The following ST7 variants were observed in gnomAD, a reference collection of about 807,000 sequenced individuals.
ST7 encodes the protein suppression of tumorigenicity 7.
Under a neutral mutation model 78.7 loss-of-function variants are expected in ST7, and 28 were observed. That is an observed-to-expected ratio of 0.36 (90% CI 0.26 to 0.49). The LOEUF is 0.49. Ranked by LOEUF, ST7 falls within the 20% of genes least tolerant of loss-of-function variation. ST7 has a pLI of 0.99. For synonymous variants in ST7, 247 were observed against 249.6 expected (o/e 0.99, Z 0.10); for missense variants, 418 against 696.0 (o/e 0.60, Z 4.49).
At chr7:117,092,278 CAAAAAAAAAAAAAAA>C (rs747378081) in intron 1 of ST7, among the ~76,000 whole-genome samples, 11 of 30,300 alleles carry the variant, frequency 3.6e-4, no homozygotes, top group African/African-American at 1.0e-3. Flanking sequence ...GACTCCGTCT[CAAAAAAAAAAAAAAA>C]AAAAAAAAAA....
chr7:117,226,513 T>C (rs567628845), intron 15 of ST7, among the ~76,000 whole-genome samples: 1 of 152,298 alleles, frequency 6.6e-6, no homozygotes, highest in African/African-American at 2.4e-5. Flanking sequence ...TCTATATTGG[T>C]TGGGTCTCCA....
chr7:117,224,923 T>G (rs1476824644), intron 15 of ST7, among the ~76,000 whole-genome samples: 1 of 152,174 alleles, frequency 6.6e-6, no homozygotes, highest in African/African-American at 2.4e-5. Flanking sequence ...TGGCTCTACC[T>G]TGGAATCATC....
At chr7:117,108,658 T>C (rs926760391) in intron 2 of ST7, among the ~76,000 whole-genome samples, 6 of 152,176 alleles carry the variant, frequency 3.9e-5, no homozygotes, top group South Asian at 2.1e-4. Context: ...GGGAATTGCA[T>C]TGAATTTGTA....
At chr7:117,209,646 C>A in intron 12 of ST7, 141 bp from the exon 13 acceptor site, 1 of 949,768 alleles carries the variant, frequency 1.1e-6, no homozygotes, top group South Asian at 1.6e-5. Flanking sequence ...TAGTAATTGC[C>A]TTCAAATGTA....
At chr7:117,173,226 A>G (rs1471963506) in intron 10 of ST7, among the ~76,000 whole-genome samples, 2 of 152,210 alleles carry the variant, frequency 1.3e-5, no homozygotes, top group Non-Finnish European at 2.9e-5. Flanking sequence ...AAAGAGCCTC[A>G]TTAGTGGCAG....
intron 6 of ST7, among the ~76,000 whole-genome samples, chr7:117,133,703 T>C (rs1804553464): frequency 6.6e-6 from 1 of 151,890 alleles, no homozygotes; most frequent in Admixed American, 6.6e-5. Flanking sequence ...TTGTTATTTT[T>C]GCAAGCTTCA....
intron 1 of ST7, among the ~76,000 whole-genome samples, chr7:116,960,022 T>G (rs1453585378): frequency 6.6e-6 from 1 of 152,238 alleles, no homozygotes; most frequent in East Asian, 1.9e-4. Context: ...CCAGATTTTG[T>G]ATGACTTCCT....
At chr7:117,147,023 AAC>A (rs1169323042) in intron 9 of ST7, among the ~76,000 whole-genome samples, 3 of 152,154 alleles carry the variant, frequency 2.0e-5, no homozygotes, top group Admixed American at 6.5e-5. Context: ...CTGTGACTAT[AAC>A]AGTCTTTGCA....
At chr7:117,112,442 A>G (rs1464002410) in intron 2 of ST7, 2 of 152,224 alleles carry the variant, frequency 1.3e-5, no homozygotes. Context: ...AAACAGACAC[A>G]AAGTTTAAAT....
At chr7:117,104,272 G>A (rs1224209370) in intron 2 of ST7, among the ~76,000 whole-genome samples, 1 of 151,998 alleles carries the variant, frequency 6.6e-6, no homozygotes, top group African/African-American at 2.4e-5. Context: ...GAAACCCTGT[G>A]TCTACTAAAA....
chr7:117,115,903 A>G (rs551986719), intron 2 of ST7, among the ~76,000 whole-genome samples: 1 of 152,226 alleles, frequency 6.6e-6, no homozygotes, highest in South Asian at 2.1e-4. Context: ...CCTTCCAAAT[A>G]TCCTTCCATT....
chr7:116,991,860 T>C (rs542157427), intron 1 of ST7, among the ~76,000 whole-genome samples: 52 of 152,296 alleles, frequency 3.4e-4, no homozygotes, highest in African/African-American at 1.3e-3. Flanking sequence ...CTAGTACAGA[T>C]GTTGGGTAAA....
chr7:117,072,010 A>G (rs1271483566), intron 1 of ST7: 1 of 152,216 alleles, frequency 6.6e-6, no homozygotes, highest in Non-Finnish European at 1.5e-5. Flanking sequence ...AGTCTATTTA[A>G]TATACTCAAA....
intron 1 of ST7, among the ~76,000 whole-genome samples, chr7:117,053,508 G>A (rs1471701087): frequency 6.6e-6 from 1 of 152,122 alleles, no homozygotes; most frequent in Non-Finnish European, 1.5e-5. Context: ...CTAGAACTAG[G>A]GAAAGATAGG....
At chr7:117,016,180 T>TACC (rs1795605298) in intron 1 of ST7, among the ~76,000 whole-genome samples, 1 of 152,224 alleles carries the variant, frequency 6.6e-6, no homozygotes, top group Admixed American at 6.5e-5. Context: ...AAAGCAAGTA[T>TACC]ACCTGTATCT....
At chr7:117,122,857 A>T (rs1803514206) in intron 3 of ST7, among the ~76,000 whole-genome samples, 1 of 152,246 alleles carries the variant, frequency 6.6e-6, no homozygotes, top group East Asian at 1.9e-4. Flanking sequence ...AAATACTAAA[A>T]GGGTACATTA....
In ST7 at chr7:117,020,529, A is replaced by G. The variant is rs546754734; in HGVS notation, c.151+66838A>G. The G allele has an allele frequency of 3.7e-5, 56 of 1,521,658 alleles. No homozygotes were observed. The South Asian group carries it at 5.2e-4, about 14-fold the overall frequency. 94.3% of individuals were successfully genotyped at this position (1,521,658 alleles called of 1,614,324 possible). A position where few individuals can be genotyped will look rare whatever the true frequency, so the allele number is the denominator to read the frequency against. On this transcript the variant is annotated intron_variant, in intron 1 of 15. Coordinates refer to ENST00000323984, the MANE Select transcript of ST7 (RefSeq NM_001369598.1). ...GGCTCATCTCTTCACTCTCACATGT[A>G]CACTCTCCTCGCTTTTCTTTCTTTT... is the stretch of plus-strand genomic sequence containing the variant.
At chr7:116,993,964 A>G (rs1026751041) in intron 1 of ST7, among the ~76,000 whole-genome samples, 2 of 152,262 alleles carry the variant, frequency 1.3e-5, no homozygotes. Context: ...TGAGAGGTAG[A>G]TGCCTAATTT....
At chr7:116,982,156 A>G (rs1793988213) in intron 1 of ST7, among the ~76,000 whole-genome samples, 1 of 152,202 alleles carries the variant, frequency 6.6e-6, no homozygotes, top group Non-Finnish European at 1.5e-5. Flanking sequence ...TATGTGGTGC[A>G]TGACTGTATT....
Sources: allele counts gnomAD v4.1 joint callset (sites outside exome capture counted in the v4.1 genomes callset), GRCh38; gene constraint gnomAD v4.1.1; transcripts MANE v1.5; gene names NCBI Gene and HGNC (gene_info 2026-07-23, HGNC 2026-07-21).